The following AKAP19 variants were observed in gnomAD, a reference collection of about 807,000 sequenced individuals.
AKAP19 encodes small A-kinase anchoring protein.
the AKAP19 span, among the ~76,000 whole-genome samples, chr2:190,030,421 C>G: frequency 6.6e-6 from 1 of 152,226 alleles, no homozygotes; most frequent in Non-Finnish European, 1.5e-5. Flanking sequence ...CTCCTCCTAT[C>G]CCATTAGTAT....
At chr2:190,202,750 A>C in the AKAP19 span, 1 of 167,082 alleles carries the variant, frequency 6.0e-6, no homozygotes. Flanking sequence ...TTCTACCAGC[A>C]CAACAAAGAG....
the AKAP19 span, chr2:190,062,477 A>G: frequency 2.5e-6 from 4 of 1,613,622 alleles, no homozygotes; most frequent in South Asian, 2.2e-5. Flanking sequence ...AAGTACATGC[A>G]TTACACAGCC....
chr2:190,044,523 G>A, the AKAP19 span, among the ~76,000 whole-genome samples: 208 of 152,278 alleles, frequency 1.4e-3, no homozygotes, highest in Non-Finnish European at 2.6e-3. Context: ...CTACTGCAGA[G>A]GCAGTAGCAA....
chr2:189,905,444 C>A, the AKAP19 span, among the ~76,000 whole-genome samples: 1 of 152,018 alleles, frequency 6.6e-6, no homozygotes, highest in African/African-American at 2.4e-5. Context: ...CTACCTGCCA[C>A]ACACATTGAA....
At chr2:189,987,076 G>C in the AKAP19 span, among the ~76,000 whole-genome samples, 6 of 152,176 alleles carry the variant, frequency 3.9e-5, no homozygotes, top group African/African-American at 1.4e-4. Context: ...TGGTTTGGCT[G>C]TGTCCCCACC....
chr2:190,060,401 T>C, the AKAP19 span: 36 of 1,610,730 alleles, frequency 2.2e-5, no homozygotes, highest in Non-Finnish European at 3.1e-5. Flanking sequence ...AGAAGCAACA[T>C]TTGGGTTTTC....
chr2:189,945,082 C>T, the AKAP19 span, among the ~76,000 whole-genome samples: 198 of 152,088 alleles, frequency 1.3e-3, 2 homozygotes, highest in Middle Eastern at 0.01. Context: ...CTATGGGATA[C>T]GGCAAAAGTA....
At chr2:190,196,440 T>C in the AKAP19 span, among the ~76,000 whole-genome samples, 1 of 152,088 alleles carries the variant, frequency 6.6e-6, no homozygotes, top group Non-Finnish European at 1.5e-5. Flanking sequence ...TTTTGTTCAC[T>C]AGTTTTTCCT....
At chr2:190,059,206 C>T in the AKAP19 span, among the ~76,000 whole-genome samples, 4 of 151,650 alleles carry the variant, frequency 2.6e-5, no homozygotes, top group East Asian at 1.9e-4. Context: ...AATAGATGAA[C>T]GTAAAAAGAT....
the AKAP19 span, among the ~76,000 whole-genome samples, chr2:190,178,502 C>T: frequency 6.6e-6 from 1 of 152,222 alleles, no homozygotes; most frequent in African/African-American, 2.4e-5. This position sits in a 1 kb window ranked among gnomAD's most constrained non-coding sequence, Gnocchi z 6.3. Flanking sequence ...CCAGTGCACA[C>T]CCATGAGGGC....
chr2:190,014,100 T>G, the AKAP19 span, among the ~76,000 whole-genome samples: 1 of 152,328 alleles, frequency 6.6e-6, no homozygotes, highest in Admixed American at 6.5e-5. Flanking sequence ...CTACATCCCA[T>G]AAGTTTTGGT....
the AKAP19 span, among the ~76,000 whole-genome samples, chr2:190,006,935 G>T: frequency 2.0e-5 from 3 of 152,042 alleles, no homozygotes; most frequent in Admixed American, 1.3e-4. Flanking sequence ...CAGGAGAATC[G>T]CTTGAACTGG....
At chr2:190,125,287 A>G in the AKAP19 span, among the ~76,000 whole-genome samples, 1 of 151,152 alleles carries the variant, frequency 6.6e-6, no homozygotes, top group Non-Finnish European at 1.5e-5. Context: ...ATCATATGGG[A>G]CCCTCATATA....
the AKAP19 span, among the ~76,000 whole-genome samples, chr2:190,172,119 T>C: frequency 6.6e-6 from 1 of 152,204 alleles, no homozygotes; most frequent in East Asian, 1.9e-4. Flanking sequence ...TTCTATCTGC[T>C]CCATGCTCAT....
At chr2:190,172,767 C>G in the AKAP19 span, among the ~76,000 whole-genome samples, 2 of 152,132 alleles carry the variant, frequency 1.3e-5, no homozygotes, top group African/African-American at 4.8e-5. Flanking sequence ...TCCATTTTCT[C>G]ATATTTAAAA....
the AKAP19 span, among the ~76,000 whole-genome samples, chr2:190,077,223 CT>C: frequency 2.6e-3 from 368 of 141,704 alleles, no homozygotes; most frequent in Admixed American, 3.0e-3. Context: ...TTATCTATGT[CT>C]TTTTTTTTTT....
chr2:189,882,338 G>T, the AKAP19 span, among the ~76,000 whole-genome samples: 2 of 152,316 alleles, frequency 1.3e-5, no homozygotes, highest in East Asian at 3.9e-4. Flanking sequence ...CCTAGGTTAA[G>T]GATACACTTG....
At chr2:189,955,796 G>A in the AKAP19 span, among the ~76,000 whole-genome samples, 1 of 152,138 alleles carries the variant, frequency 6.6e-6, no homozygotes, top group African/African-American at 2.4e-5. Context: ...GTGACAAAGT[G>A]GGAAGAGAAG....
chr2:190,016,318 G>A, the AKAP19 span, among the ~76,000 whole-genome samples: 83 of 152,198 alleles, frequency 5.5e-4, no homozygotes, highest in African/African-American at 2.0e-3. Context: ...TGGCAGAAGG[G>A]GAAGAGGTAT....
Sources: gnomAD v4.1 joint callset for allele counts (sites outside exome capture counted in the v4.1 genomes callset) on GRCh38, gnomAD v4.1.1 for gene constraint, Gnocchi (gnomAD v3.1) non-coding constraint, MANE v1.5 for transcripts, NCBI Gene and HGNC (gene_info 2026-07-23, HGNC 2026-07-21) for gene names.